The following SRGAP3 variants were observed in gnomAD, a reference collection of about 807,000 sequenced individuals.
SRGAP3 encodes SLIT-ROBO Rho GTPase activating protein 3, also known as SLIT-ROBO Rho GTPase-activating protein 3.
A neutral mutation model predicts 121.1 loss-of-function variants in SRGAP3; 39 were observed. That is an observed-to-expected ratio of 0.32 (90% confidence interval 0.25 to 0.42). SRGAP3 has a LOEUF of 0.42. Among genes scored for constraint, SRGAP3 ranks in the 10% least tolerant of loss-of-function variants. SRGAP3 has a pLI of 1.00. For missense variants in SRGAP3, 1,213 were observed against 1,470.6 expected (o/e 0.82, Z 2.86); for synonymous variants, 601 against 570.0 (o/e 1.05, Z -0.77).
intron 1 of SRGAP3, among the ~76,000 whole-genome samples, chr3:9,340,429 T>C (rs1252085660): frequency 6.6e-6 from 1 of 152,216 alleles, no homozygotes; most frequent in Non-Finnish European, 1.5e-5. Context: ...ACTACTAGAA[T>C]GGAGCTGCCT....
chr3:9,192,009 C>A (rs192383088), intron 1 of SRGAP3, among the ~76,000 whole-genome samples: 1 of 152,178 alleles, frequency 6.6e-6, no homozygotes, highest in African/African-American at 2.4e-5. Context: ...TCCTGTAAAG[C>A]CTGCAGAACC....
chr3:9,035,398 C>G lies in SRGAP3; in HGVS notation c.1437-2646G>C, dbSNP rs1054185383. 1.8e-5 allele frequency: 3 copies of G among 171,364 alleles called. No individual in the cohort carries two copies. In the East Asian group the frequency reaches 3.3e-4, roughly 19 times the overall value. 10.6% of individuals were successfully genotyped at this position (171,364 alleles called of 1,614,324 possible). A position where few individuals can be genotyped will look rare whatever the true frequency, so the allele number is the denominator to read the frequency against. ...AAAGCAAAGGACTGTGTGAATCACA[C>G]GAGGATTTCTTTCTTTGTGTGGTGC... is the stretch of plus-strand genomic sequence containing the variant. On this transcript the variant is annotated intron_variant, in intron 11 of 21. Transcript: ENST00000383836.
chr3:9,143,709 G>A (rs1473673782), intron 1 of SRGAP3, among the ~76,000 whole-genome samples: 1 of 152,076 alleles, frequency 6.6e-6, no homozygotes, highest in Non-Finnish European at 1.5e-5. Flanking sequence ...CTCCCCCATA[G>A]GAAGTGTACA....
At chr3:9,231,505 T>C (rs778909247) in intron 1 of SRGAP3, among the ~76,000 whole-genome samples, 31 of 152,360 alleles carry the variant, frequency 2.0e-4, no homozygotes, top group South Asian at 1.9e-3. Context: ...TAAATAGAAA[T>C]GGAAGATAAT....
At chr3:9,271,125 G>C (rs1661128880) in intron 3 of SRGAP3, among the ~76,000 whole-genome samples, 1 of 152,152 alleles carries the variant, frequency 6.6e-6, no homozygotes, top group Non-Finnish European at 1.5e-5. Context: ...CTTGAGGCCA[G>C]GAGTTCAAGA....
At chr3:9,005,678 C>A (rs966230490) in intron 18 of SRGAP3, among the ~76,000 whole-genome samples, 6 of 152,104 alleles carry the variant, frequency 3.9e-5, no homozygotes, top group African/African-American at 1.4e-4. Context: ...TATATAATTC[C>A]ATTTATATAA....
chr3:9,168,779 C>T (rs1490159740), intron 1 of SRGAP3, among the ~76,000 whole-genome samples: 2 of 152,222 alleles, frequency 1.3e-5, no homozygotes, highest in Non-Finnish European at 2.9e-5. Flanking sequence ...CCTATTGATT[C>T]ATAATCTCTC....
rs762180219 is a variant in SRGAP3, at chr3:8,985,579, G to A, written c.3240C>T (p.Ala1080=). 1.4e-5 allele frequency: 21 copies of A among 1,540,704 alleles called. No homozygotes were observed. The East Asian group carries it at 3.8e-4, about 28-fold the overall frequency. The change falls in exon 22 of 22, where the codon GCC becomes GCT. Residue 1080 remains alanine, a synonymous_variant. Coordinates refer to ENST00000383836, the MANE Select transcript of SRGAP3 (RefSeq NM_014850.4). The surrounding 1 kb of genome is among the most constrained non-coding windows in gnomAD (Gnocchi z 5.1). The part of the protein sequence containing the change: ...SSSSSGVGSP[A]VTPTEKMFPN... ...GGAACATCTTCTCGGTGGGCGTCAC[G>A]GCCGGGCTGCCCACGCCCGAGCTGC...
At chr3:9,137,219 C>G (rs1949697169) in intron 1 of SRGAP3, among the ~76,000 whole-genome samples, 2 of 152,110 alleles carry the variant, frequency 1.3e-5, no homozygotes, top group South Asian at 4.1e-4. Flanking sequence ...TGTACTATAC[C>G]AAGTGAGCCA....
chr3:9,046,627 T>C (rs942676820), intron 10 of SRGAP3, among the ~76,000 whole-genome samples: 3 of 152,126 alleles, frequency 2.0e-5, no homozygotes, highest in Non-Finnish European at 2.9e-5. Flanking sequence ...CTTACATGTA[T>C]GGATTTTCCT....
intron 3 of SRGAP3, among the ~76,000 whole-genome samples, chr3:9,091,338 T>A (rs1947748223): frequency 6.6e-6 from 1 of 152,032 alleles, no homozygotes; most frequent in South Asian, 2.1e-4. Flanking sequence ...ATTTTCCTAA[T>A]TCTGGGATTC....
intron 3 of SRGAP3, among the ~76,000 whole-genome samples, chr3:9,080,629 C>T (rs1947194883): frequency 6.6e-6 from 1 of 152,164 alleles, no homozygotes; most frequent in Non-Finnish European, 1.5e-5. Flanking sequence ...AGTCCATGGC[C>T]CACTAAGAAC....
At position 9,300,154 on chromosome 3, in the gene SRGAP3, C is replaced by T. The variant is rs373131908; in HGVS notation, n.442+25856G>A. On this transcript the variant is annotated intron_variant and non_coding_transcript_variant, in intron 3 of 3. Coordinates refer to the SRGAP3 transcript ENST00000490889. The stretch of plus-strand genomic sequence containing the variant: ...TATATGTGTTAGCCACCATCGTCAC[C>T]ACCACCATCATCATCTTCATCATCA... Among the ~76,000 whole-genome samples the T allele has an allele frequency of 1.8e-4, 26 of 145,386 alleles. 1 individual carries two copies. Among genetic ancestry groups the T allele is most frequent in the Non-Finnish European group, 2.3e-4 (15 of 66,528 alleles).
At chr3:9,192,675 G>A (rs1487910335) in intron 1 of SRGAP3, 1 of 152,172 alleles carries the variant, frequency 6.6e-6, no homozygotes, top group Non-Finnish European at 1.5e-5. Flanking sequence ...CCATAACCAT[G>A]AGTATATCAG....
At chr3:9,271,170 C>A (rs1471899096) in intron 3 of SRGAP3, among the ~76,000 whole-genome samples, 4 of 152,118 alleles carry the variant, frequency 2.6e-5, no homozygotes, top group African/African-American at 9.7e-5. Flanking sequence ...CCGTTTCTAC[C>A]TGAAAGTACA....
intron 3 of SRGAP3, among the ~76,000 whole-genome samples, chr3:9,324,801 C>T (rs897328414): frequency 7.3e-5 from 11 of 151,610 alleles, no homozygotes; most frequent in Admixed American, 7.2e-4. Flanking sequence ...ACTAAAAATA[C>T]AAAAAATTAA....
chr3:9,190,240 A>G (rs1951710374), intron 1 of SRGAP3, among the ~76,000 whole-genome samples: 1 of 152,200 alleles, frequency 6.6e-6, no homozygotes, highest in South Asian at 2.1e-4. Context: ...ATGAAGGCCC[A>G]GTGATCTTTT....
chr3:9,044,546 G>T (rs1945166558), intron 10 of SRGAP3, among the ~76,000 whole-genome samples: 1 of 152,090 alleles, frequency 6.6e-6, no homozygotes, highest in South Asian at 2.1e-4. Flanking sequence ...ATATTTTCAG[G>T]CCACAGATAA....
At chr3:9,233,002 A>T (rs1426124667) in intron 1 of SRGAP3, among the ~76,000 whole-genome samples, 1 of 152,196 alleles carries the variant, frequency 6.6e-6, no homozygotes, top group Non-Finnish European at 1.5e-5. Flanking sequence ...CTTCCCAACC[A>T]GGTGCACTTA....
Sources: gnomAD v4.1 joint callset for allele counts (sites outside exome capture counted in the v4.1 genomes callset) on GRCh38, gnomAD v4.1.1 for gene constraint, Gnocchi (gnomAD v3.1) non-coding constraint, MANE v1.5 for transcripts, NCBI Gene and HGNC (gene_info 2026-07-23, HGNC 2026-07-21) for gene names.